NCKAP1: variants seen among roughly 807,000 people sequenced by gnomAD.
The protein encoded by NCKAP1 is nck-associated protein 1.
NCKAP1 carries 21 observed loss-of-function variants against 151.2 expected under a neutral mutation model. The ratio of observed to expected loss-of-function variants is 0.14; its 90% CI spans 0.10 to 0.20. The LOEUF (loss-of-function observed/expected upper bound fraction) is 0.20, where lower values mean the gene tolerates loss of function less well. Among genes scored for constraint, NCKAP1 ranks in the 10% least tolerant of loss-of-function variants. NCKAP1 has a pLI of 1.00. For missense variants in NCKAP1, 933 were observed against 1,352.1 expected (o/e 0.69, Z 4.86); for synonymous variants, 484 against 451.8 (o/e 1.07, Z -0.90).
Position 182,925,474 on chromosome 2 carries a change from T to A in NCKAP1, c.*228A>T, listed in dbSNP as rs1280778857. On this transcript the variant is annotated 3_prime_UTR_variant, in exon 31 of 31. Transcript: ENST00000361354. ...TATGTTTTTCAAATAAATGATACTT[T>A]AAAATTATAGGAATAATCTCAGTGA... The A allele has an allele frequency of 7.2e-6, 2 of 279,250 alleles. No homozygotes were observed. The highest frequency in any genetic ancestry group is 4.4e-5 in the African/African-American group (2 of 45,438). The allele number at this position is 279,250 out of a possible 1,614,324, so 17.3% of individuals were successfully genotyped here.
chr2:182,961,140 T>G (rs1697441212), intron 18 of NCKAP1, among the ~76,000 whole-genome samples: 1 of 152,182 alleles, frequency 6.6e-6, no homozygotes, highest in South Asian at 2.1e-4. Context: ...GGTGGGACTG[T>G]AAACTAGTTC....
At chr2:183,011,283 T>C (rs1698585704) in intron 2 of NCKAP1, among the ~76,000 whole-genome samples, 1 of 152,232 alleles carries the variant, frequency 6.6e-6, no homozygotes, top group African/African-American at 2.4e-5. Context: ...CAAAATCATT[T>C]GGTTTTTTAC....
chr2:182,979,644 G>A (rs1697898891), intron 13 of NCKAP1, among the ~76,000 whole-genome samples: 2 of 151,926 alleles, frequency 1.3e-5, no homozygotes, highest in Admixed American at 1.3e-4. Context: ...AACACCTATT[G>A]CAATCAACTA....
intron 1 of NCKAP1, among the ~76,000 whole-genome samples, chr2:183,031,387 T>C (rs1457782727): frequency 1.3e-5 from 2 of 152,230 alleles, no homozygotes; most frequent in East Asian, 1.9e-4. Flanking sequence ...TTAAAGTATA[T>C]ATATTGTCAT....
chr2:182,928,245 G>A lies in NCKAP1; in HGVS notation c.3071-19C>T, dbSNP rs2105797718. 1 of 1,557,722 alleles carries A rather than the reference G, an allele frequency of 6.4e-7. No homozygotes were observed. On this transcript the variant is annotated intron_variant, in intron 28 of 30. Transcript: ENST00000361354. ...CAATGCCCTGAGAAAATGCAAATAG[G>A]GTTGTGTAGACCCCAAAATAGCAAA...
At chr2:182,977,274 AG>A in intron 14 of NCKAP1, among the ~76,000 whole-genome samples, 1 of 152,058 alleles carries the variant, frequency 6.6e-6, no homozygotes, top group East Asian at 1.9e-4. Context: ...GGGTCACCTA[AG>A]GGTCAGGAGT....
chr2:182,971,394 A>T (rs1461438795), intron 15 of NCKAP1, among the ~76,000 whole-genome samples: 29 of 90,002 alleles, frequency 3.2e-4, no homozygotes, highest in Middle Eastern at 5.5e-3. Context: ...ACTCCGTCTC[A>T]AAAAAAAAAA....
chr2:182,928,058 T>C (rs1489274029), intron 29 of NCKAP1, 59 bp downstream of exon 29: 38 of 1,183,496 alleles, frequency 3.2e-5, no homozygotes, highest in Non-Finnish European at 4.5e-5. Context: ...CATTTTGTGG[T>C]TGTGAATTTT....
At chr2:182,993,786 T>G (rs2105866899) in intron 8 of NCKAP1, among the ~76,000 whole-genome samples, 1 of 152,216 alleles carries the variant, frequency 6.6e-6, no homozygotes, top group East Asian at 1.9e-4. Context: ...GACAAAATAA[T>G]CTGTACACCA....
At chr2:182,987,296 A>T (rs893253197) in intron 9 of NCKAP1, among the ~76,000 whole-genome samples, 2 of 151,980 alleles carry the variant, frequency 1.3e-5, no homozygotes, top group Non-Finnish European at 2.9e-5. Context: ...ACTAAAATGG[A>T]CTCCAACTTC....
intron 26 of NCKAP1, among the ~76,000 whole-genome samples, chr2:182,931,550 G>C (rs1374519597): frequency 6.6e-6 from 1 of 151,946 alleles, no homozygotes. Flanking sequence ...CTAAATGTAA[G>C]AGCTAAAACT....
intron 1 of NCKAP1, among the ~76,000 whole-genome samples, chr2:183,029,377 A>G (rs1032851424): frequency 2.0e-5 from 3 of 152,106 alleles, no homozygotes; most frequent in Non-Finnish European, 2.9e-5. Flanking sequence ...CCTTTCCTCA[A>G]GCTATTACAG....
chr2:183,003,565 T>A (rs771364808), intron 2 of NCKAP1, among the ~76,000 whole-genome samples: 9 of 151,936 alleles, frequency 5.9e-5, no homozygotes, highest in Non-Finnish European at 1.2e-4. Flanking sequence ...GCGCTACTAT[T>A]AAGGAAAATC....
chr2:182,947,135 T>G (rs935826044), intron 23 of NCKAP1: 1 of 152,230 alleles, frequency 6.6e-6, no homozygotes, highest in African/African-American at 2.4e-5. Context: ...GATATCTTTC[T>G]CCAGAGAAGA....
chr2:182,952,994 G>T, intron 21 of NCKAP1, 71 bp from the exon 22 acceptor site: 1 of 1,503,264 alleles, frequency 6.7e-7, no homozygotes, highest in Non-Finnish European at 9.0e-7. Flanking sequence ...ATACATTCCT[G>T]CATATAATTT....
chr2:182,989,243 G>A (rs1698118591), intron 8 of NCKAP1, 57 bp from the exon 9 acceptor site: 2 of 1,427,346 alleles, frequency 1.4e-6, no homozygotes. Context: ...CCAAAGTTTG[G>A]TGACAGTGTA....
rs753149059 is a variant in NCKAP1 at position 182,964,723 on chromosome 2, G to A, written c.1714C>T (p.Leu572Phe). Residue 572 changes from leucine (L) to phenylalanine (F), a missense_variant, in exon 17 of 31, where the codon CTT (leucine) becomes TTT (phenylalanine). Leu to Phe is a conservative substitution (Grantham distance 22, BLOSUM62 0). Coordinates refer to ENST00000361354, the MANE Select transcript of NCKAP1 (RefSeq NM_013436.5). ...GTGCAACTCATAAAATGAGTGCAAA[G>A]TAGTGGAAATGCAATTGAGTATCTT... ...QSRYSIAFPLLCTHFMSCTHE... is the reference protein window; with the variant it reads ...QSRYSIAFPLFCTHFMSCTHE... 3 of 1,610,254 alleles carry A rather than the reference G, an allele frequency of 1.9e-6. No homozygotes were observed. The highest frequency in any genetic ancestry group is 1.7e-4 in the Middle Eastern group (1 of 6,048).
In NCKAP1 at chr2:183,005,368, A is replaced by C. The variant is rs188830589; in HGVS notation, c.220-2043T>G. On this transcript the variant is annotated intron_variant, in intron 2 of 30. Coordinates refer to ENST00000361354, the MANE Select transcript of NCKAP1 (RefSeq NM_013436.5). ...CAATAAATAATACGGTCACCATCTT[A>C]CTATGAGCCTTAAATGGTCTTAAAT... 9.1e-4 allele frequency among the ~76,000 whole-genome samples: 139 copies of C among 152,290 alleles called. 1 individual carries two copies. The highest frequency in any genetic ancestry group is 1.0e-4 in the Non-Finnish European group (7 of 68,020).
rs1415515757 is a variant in NCKAP1, at chr2:182,955,812, C to A, written c.2153+650G>T. On this transcript the variant is annotated intron_variant, in intron 20 of 30. Coordinates refer to ENST00000361354, the MANE Select transcript of NCKAP1 (RefSeq NM_013436.5). The stretch of plus-strand genomic sequence containing the variant: ...CCTCTTGTCCTTTCTTTCCCTCCCA[C>A]TTTTCTCTAAACTTTGACTACAACC... Among the ~76,000 whole-genome samples the A allele has an allele frequency of 3.3e-5, 5 of 152,126 alleles. No individual in the cohort carries two copies. In the East Asian group the frequency reaches 9.7e-4, roughly 29 times the overall value.
Sources: gnomAD v4.1 joint callset for allele counts (sites outside exome capture counted in the v4.1 genomes callset) on GRCh38, gnomAD v4.1.1 for gene constraint, MANE v1.5 for transcripts, NCBI Gene and HGNC (gene_info 2026-07-23, HGNC 2026-07-21) for gene names.